Variants in UBE3C observed in about 807,000 individuals in gnomAD.
UBE3C encodes ubiquitin-protein ligase E3C.
Under a neutral mutation model 129.4 loss-of-function variants are expected in UBE3C, and 42 were observed. That is an observed-to-expected ratio of 0.32 (90% CI 0.25 to 0.42). UBE3C has a LOEUF of 0.42. Among genes scored for constraint, UBE3C ranks in the 10% least tolerant of loss-of-function variants. The pLI is 1.00. For synonymous variants in UBE3C, 510 were observed against 492.4 expected, an observed-to-expected ratio of 1.04 and a Z score of -0.47; for missense variants, 1,049 against 1,319.1, an observed-to-expected ratio of 0.80 and a Z score of 3.17.
intron 1 of UBE3C, among the ~76,000 whole-genome samples, chr7:157,150,550 C>T (rs1278614272): frequency 6.6e-6 from 1 of 152,122 alleles, no homozygotes. Context: ...AAACAGCCTA[C>T]ATGTCTAAAT....
chr7:157,201,886 GTT>G, intron 11 of UBE3C, 79 bp downstream of exon 11: 1 of 1,190,940 alleles, frequency 8.4e-7, no homozygotes, highest in Non-Finnish European at 1.2e-6. Context: ...GCCAGAACCT[GTT>G]TTTAAGTCCT....
intron 13 of UBE3C, among the ~76,000 whole-genome samples, chr7:157,215,540 A>G (rs1795536664): frequency 1.4e-5 from 2 of 148,082 alleles, no homozygotes; most frequent in African/African-American, 4.9e-5. Flanking sequence ...AATTATATAA[A>G]TTAGTATATA....
intron 1 of UBE3C, among the ~76,000 whole-genome samples, chr7:157,149,056 AT>A (rs1326986636): frequency 6.7e-6 from 1 of 149,522 alleles, no homozygotes; most frequent in Non-Finnish European, 1.5e-5. Context: ...AAGGTTAAGA[AT>A]TCTTTTTTTG....
intron 13 of UBE3C, among the ~76,000 whole-genome samples, chr7:157,211,879 A>T (rs931552405): frequency 6.6e-6 from 1 of 152,186 alleles, no homozygotes; most frequent in African/African-American, 2.4e-5. Context: ...AGCTAATGAC[A>T]GTGGGAAACA....
At chr7:157,226,059 G>A (rs1795870497) in intron 17 of UBE3C, among the ~76,000 whole-genome samples, 1 of 152,090 alleles carries the variant, frequency 6.6e-6, no homozygotes, top group African/African-American at 2.4e-5. Flanking sequence ...TATTTTTAAA[G>A]GGCAAGAAAG....
chr7:157,157,841 C>G (rs1048842476), intron 1 of UBE3C, among the ~76,000 whole-genome samples: 1 of 151,914 alleles, frequency 6.6e-6, no homozygotes, highest in African/African-American at 2.4e-5. Flanking sequence ...ATTAGCCAGG[C>G]ATGGTGGTGG....
chr7:157,210,041 G>T, intron 13 of UBE3C, among the ~76,000 whole-genome samples: 1 of 152,168 alleles, frequency 6.6e-6, no homozygotes, highest in Non-Finnish European at 1.5e-5. Context: ...TTAGCTGGGC[G>T]TGATGTACGC....
intron 18 of UBE3C, among the ~76,000 whole-genome samples, chr7:157,243,779 C>T (rs1024917635): frequency 1.3e-5 from 2 of 152,144 alleles, no homozygotes; most frequent in South Asian, 2.1e-4. Flanking sequence ...ACCCACAATC[C>T]GAAAACTCTT....
At chr7:157,245,847 T>C (rs932612051) in intron 18 of UBE3C, among the ~76,000 whole-genome samples, 1 of 152,004 alleles carries the variant, frequency 6.6e-6, no homozygotes, top group Non-Finnish European at 1.5e-5. Context: ...AAAAATTAGC[T>C]GGGCCTGGTG....
At position 157,245,516 on chromosome 7, in the gene UBE3C, A is replaced by G. The variant is rs535652669; in HGVS notation, c.2482-2852A>G. On this transcript the variant is annotated intron_variant, in intron 18 of 22. Transcript: ENST00000348165. ...ACTTTAAACAAACTGTGACTTTTCA[A>G]CACAACTTTCTTTACATTATCAGGA... is the stretch of plus-strand genomic sequence containing the variant. 3.3e-5 allele frequency among the ~76,000 whole-genome samples: 5 copies of G among 152,340 alleles called. No homozygotes were observed. In the South Asian group the frequency reaches 1.0e-3, roughly 32 times the overall value.
intron 10 of UBE3C, among the ~76,000 whole-genome samples, chr7:157,193,289 A>G (rs1351673628): frequency 6.6e-6 from 1 of 151,950 alleles, no homozygotes; most frequent in Non-Finnish European, 1.5e-5. Context: ...GAAAAATTTC[A>G]GAAGAACAAA....
intron 2 of UBE3C, among the ~76,000 whole-genome samples, chr7:157,167,601 G>A (rs4716690): frequency 0.17 from 25,462 of 151,396 alleles, 2,366 homozygotes; most frequent in East Asian, 0.35. Flanking sequence ...GCAGTGGCGC[G>A]ATCTCGGCTC....
intron 9 of UBE3C, 22 bp downstream of exon 9, chr7:157,184,051 TG>T (rs777120853): frequency 6.2e-7 from 1 of 1,609,426 alleles, no homozygotes; most frequent in Non-Finnish European, 8.5e-7. Context: ...GCCCTGCATC[TG>T]GGGGGCTGCG....
At chr7:157,161,960 C>T (rs1345151409) in intron 1 of UBE3C, among the ~76,000 whole-genome samples, 1 of 151,768 alleles carries the variant, frequency 6.6e-6, no homozygotes, top group Non-Finnish European at 1.5e-5. Flanking sequence ...GTCCCAGTTA[C>T]TCGGTAGGCT....
At chr7:157,159,707 A>C (rs1299776447) in intron 1 of UBE3C, among the ~76,000 whole-genome samples, 1 of 152,188 alleles carries the variant, frequency 6.6e-6, no homozygotes, top group East Asian at 1.9e-4. Context: ...GTCTCTACTA[A>C]AAATACAGAA....
chr7:157,249,782 T>C (rs1395045406), intron 19 of UBE3C, among the ~76,000 whole-genome samples: 1 of 152,246 alleles, frequency 6.6e-6, no homozygotes, highest in Non-Finnish European at 1.5e-5. Context: ...ATTACTGTTA[T>C]AAACATCCAC....
intron 22 of UBE3C, among the ~76,000 whole-genome samples, chr7:157,259,997 T>C (rs922032977): frequency 1.3e-5 from 2 of 152,182 alleles, no homozygotes; most frequent in African/African-American, 4.8e-5. Flanking sequence ...AATAGGTCAA[T>C]CATCGACGCC....
At chr7:157,141,353 A>G (rs994626747) in intron 1 of UBE3C, among the ~76,000 whole-genome samples, 4 of 152,208 alleles carry the variant, frequency 2.6e-5, no homozygotes, top group Admixed American at 2.6e-4. Context: ...ACTCTCACCC[A>G]TTCATTACAG....
chr7:157,216,728 C>T (rs1055270520), intron 13 of UBE3C, 139 bp from the exon 14 acceptor site: 3 of 664,262 alleles, frequency 4.5e-6, no homozygotes, highest in Admixed American at 2.9e-5. Context: ...AAGCCCTTTT[C>T]TGTGAGCGGG....
Sources: allele counts gnomAD v4.1 joint callset (sites outside exome capture counted in the v4.1 genomes callset), GRCh38; gene constraint gnomAD v4.1.1; transcripts MANE v1.5; gene names NCBI Gene and HGNC (gene_info 2026-07-23, HGNC 2026-07-21).